MIDEAS: variants seen among roughly 807,000 people sequenced by gnomAD.
MIDEAS encodes the protein mitotic deacetylase associated SANT domain protein, also known as mitotic deacetylase-associated SANT domain protein.
MIDEAS carries 26 observed loss-of-function variants against 102.7 expected under a neutral mutation model. The ratio of observed to expected loss-of-function variants is 0.25; its 90% confidence interval spans 0.19 to 0.35. The LOEUF (loss-of-function observed/expected upper bound fraction) is 0.35, where lower values mean the gene tolerates loss of function less well. MIDEAS is among the 10% of genes least tolerant of loss of function. The pLI, the probability that MIDEAS is intolerant of heterozygous loss-of-function variation, is 1.00. For synonymous variants in MIDEAS, 585 were observed against 591.0 expected (o/e 0.99, Z 0.15); for missense variants, 1,231 against 1,435.6 (o/e 0.86, Z 2.30).
At chr14:73,751,915 A>G (rs145324487) in intron 1 of MIDEAS, among the ~76,000 whole-genome samples, 3 of 152,070 alleles carry the variant, frequency 2.0e-5, no homozygotes, top group African/African-American at 7.2e-5. Context: ...AAATAAATAA[A>G]GTCTTGGCTC....
chr14:73,720,606 C>T (rs1397621378), intron 11 of MIDEAS, among the ~76,000 whole-genome samples: 1 of 152,150 alleles, frequency 6.6e-6, no homozygotes, highest in African/African-American at 2.4e-5. Context: ...CAATAAACCC[C>T]TTCCCCTCCT....
intron 11 of MIDEAS, among the ~76,000 whole-genome samples, chr14:73,720,847 G>C (rs1167060138): frequency 6.6e-6 from 1 of 152,200 alleles, no homozygotes; most frequent in Non-Finnish European, 1.5e-5. Context: ...GATCATGCCT[G>C]AGGGCCTATG....
At chr14:73,787,435 C>T (rs1350286872), upstream of MIDEAS, 1 of 152,200 alleles carries the variant, frequency 6.6e-6, no homozygotes, top group African/African-American at 2.4e-5. Context: ...GGAGGGAAGC[C>T]TCGCTCCAGC....
intron 1 of MIDEAS, among the ~76,000 whole-genome samples, chr14:73,772,282 A>G (rs1250177903): frequency 6.6e-6 from 1 of 152,270 alleles, no homozygotes; most frequent in Non-Finnish European, 1.5e-5. Context: ...TGTCTTATAA[A>G]TAAAAAAAAG....
At chr14:73,789,918 A>G (rs2053853627), upstream of MIDEAS, 2 of 152,280 alleles carry the variant, frequency 1.3e-5, no homozygotes, top group African/African-American at 4.8e-5. Context: ...CTGATCCCTG[A>G]GGGCTTGGCC....
Position 73,742,195 on chromosome 14 carries a change from G to T in MIDEAS, c.-247-1940C>A, listed in dbSNP as rs944478773. Among the ~76,000 whole-genome samples, 1 of 152,242 alleles carries T rather than the reference G, an allele frequency of 6.6e-6. No individual in the cohort carries two copies. The highest frequency in any genetic ancestry group is 2.4e-5 in the African/African-American group (1 of 41,468). On this transcript the variant is annotated intron_variant, in intron 1 of 12. Transcript: ENST00000423556. The surrounding 1 kb of genome is among the most constrained non-coding windows in gnomAD (Gnocchi z 4.4). ...CAAGACAGAGAAAGGAAGAATGTGC[G>T]CCAGCCTGGCAAGCCCACGTGCCTC...
chr14:73,785,685 T>C (rs951172006), intron 1 of MIDEAS, among the ~76,000 whole-genome samples: 4 of 152,070 alleles, frequency 2.6e-5, no homozygotes, highest in African/African-American at 9.7e-5. Context: ...TTTAGAGAGG[T>C]TGATAGCCAT....
rs1435128998 is a variant in MIDEAS, at chr14:73,738,689, C to A, written c.1320G>T (p.Gly440=). The change falls in exon 2 of 13, where the codon GGG becomes GGT. Residue 440 remains glycine (G), a synonymous_variant. Transcript: ENST00000423556. The part of the protein sequence containing the change: ...SEEGMRAVST[G]DCGQVLRGGV... The stretch of plus-strand genomic sequence containing the variant: ...CGCCCCGTAGCACCTGCCCACAGTC[C>A]CCTGTGCTCACTGCCCTCATGCCCT... The A allele has an allele frequency of 6.2e-7, 1 of 1,613,858 alleles. No individual in the cohort carries two copies. The highest frequency in any genetic ancestry group is 8.5e-7 in the Non-Finnish European group (1 of 1,179,932).
rs754379940 is a variant in MIDEAS at position 73,737,228 on chromosome 14, A to C, written c.1519T>G (p.Ser507Ala). Residue 507 changes from serine (S) to alanine (A), a missense_variant, in exon 3 of 13, where the codon TCT becomes GCT. Ser to Ala is a moderately conservative substitution (Grantham distance 99, BLOSUM62 1). This residue lies in a region of MIDEAS where 758 missense variants were observed against 856.0 expected (regional missense o/e 0.89). Transcript: ENST00000423556. ...ASTTKCGVEF[S>A]EPSLATKRAR... ...CGCTTGGTGGCTAAGGAAGGCTCAGAAAACTCCACCCCACACTTGGTAGTT... is the reference window on the plus strand; with the variant it reads ...CGCTTGGTGGCTAAGGAAGGCTCAGCAAACTCCACCCCACACTTGGTAGTT... 5.6e-6 allele frequency: 9 copies of C among 1,614,176 alleles called. No individual in the cohort carries two copies. The highest frequency in any genetic ancestry group is 3.3e-4 in the Middle Eastern group (2 of 6,062).
intron 1 of MIDEAS, among the ~76,000 whole-genome samples, chr14:73,786,407 G>A (rs1356880060): frequency 2.0e-5 from 3 of 152,178 alleles, no homozygotes; most frequent in Non-Finnish European, 4.4e-5. Flanking sequence ...GTTTTATATA[G>A]AAAACACTCA....
At chr14:73,755,282 A>G (rs2053466357) in intron 1 of MIDEAS, among the ~76,000 whole-genome samples, 1 of 152,016 alleles carries the variant, frequency 6.6e-6, no homozygotes, top group South Asian at 2.1e-4. Flanking sequence ...CCAGCCGAGA[A>G]TGACAGCCAG....
At chr14:73,750,405 A>T (rs1175500749) in intron 1 of MIDEAS, among the ~76,000 whole-genome samples, 1 of 152,220 alleles carries the variant, frequency 6.6e-6, no homozygotes, top group East Asian at 1.9e-4. Context: ...TTCCAAGCAC[A>T]GCATGGTCTA....
chr14:73,774,021 C>CAAAA (rs11322935), intron 1 of MIDEAS, among the ~76,000 whole-genome samples: 1 of 113,038 alleles, frequency 8.8e-6, no homozygotes, highest in Non-Finnish European at 1.8e-5. Context: ...GACTGAATCT[C>CAAAA]AAAAAAAAAA....
Position 73,739,996 on chromosome 14 carries a change from C to T in MIDEAS, c.13G>A (p.Ala5Thr). ...CGCTTGTTCTGAGCCTTGGGCTGGG[C>T]CTGGAGGTTCATGATGTGGCCAACT... MNLQ[A>T]QPKAQNKRKR... The change falls in exon 2 of 13, where the codon GCC becomes ACC. Residue 5 changes from alanine to threonine, a missense_variant. Around this residue, in one of 5 missense-constraint regions of MIDEAS, gnomAD observed 758 missense variants for 856.0 expected, o/e 0.89. Transcript: ENST00000423556. The T allele has an allele frequency of 6.7e-7, 1 of 1,494,434 alleles. No homozygotes were observed. Among genetic ancestry groups the T allele is most frequent in the South Asian group, 1.4e-5 (1 of 71,434 alleles). 92.6% of individuals were successfully genotyped at this position (1,494,434 alleles called of 1,614,324 possible).
intron 12 of MIDEAS, 51 bp from the exon 13 acceptor site, chr14:73,719,059 C>T (rs554536747): frequency 2.1e-6 from 3 of 1,448,148 alleles, no homozygotes; most frequent in African/African-American, 1.4e-5. Flanking sequence ...CCCGGGGGCC[C>T]CCAGCGCGGG....
upstream of MIDEAS, among the ~76,000 whole-genome samples, chr14:73,761,807 G>C (rs540405831): frequency 6.6e-6 from 1 of 152,290 alleles, no homozygotes; most frequent in African/African-American, 2.4e-5. Context: ...TCAATCTGTG[G>C]ATGTACTGAG....
At chr14:73,754,241 C>G (rs2053454924) in intron 1 of MIDEAS, among the ~76,000 whole-genome samples, 1 of 152,266 alleles carries the variant, frequency 6.6e-6, no homozygotes, top group African/African-American at 2.4e-5. Context: ...AACTAGCAGC[C>G]ACCATGCAGA....
At chr14:73,736,867 G>C (rs1566590412) in intron 3 of MIDEAS, 131 bp downstream of exon 3, 4 of 976,050 alleles carry the variant, frequency 4.1e-6, no homozygotes, top group Non-Finnish European at 6.0e-6. Context: ...GTTTGGTTTG[G>C]AAAATAAAAA....
At chr14:73,736,621 ACT>A (rs2053203699) in intron 3 of MIDEAS, among the ~76,000 whole-genome samples, 2 of 108,026 alleles carry the variant, frequency 1.9e-5, no homozygotes, top group African/African-American at 4.2e-5. Flanking sequence ...ACAGAGCAAG[ACT>A]CTGCCTCAGA....
Sources: gnomAD v4.1 joint callset for allele counts (sites outside exome capture counted in the v4.1 genomes callset) on GRCh38, gnomAD v4.1.1 for gene constraint, gnomAD v4.1.1 regional missense constraint, Gnocchi (gnomAD v3.1) non-coding constraint, MANE v1.5 for transcripts, NCBI Gene and HGNC (gene_info 2026-07-23, HGNC 2026-07-21) for gene names.